The following PRDM16 variants were observed in gnomAD, a reference collection of about 807,000 sequenced individuals.
The protein encoded by PRDM16 is histone-lysine N-methyltransferase PRDM16.
Under a neutral mutation model 110.6 loss-of-function variants are expected in PRDM16, and 23 were observed. The ratio of observed to expected loss-of-function variants is 0.21; its 90% confidence interval spans 0.15 to 0.29. PRDM16 has a LOEUF of 0.29. Ranked by LOEUF, PRDM16 falls within the 10% of genes least tolerant of loss-of-function variation. PRDM16 has a pLI of 1.00. For synonymous variants in PRDM16, 799 were observed against 781.8 expected (o/e 1.02, Z -0.37); for missense variants, 1,615 against 1,794.3 (o/e 0.90, Z 1.81).
chr1:3,275,251 C>G (rs998614502), intron 3 of PRDM16, among the ~76,000 whole-genome samples: 11 of 152,366 alleles, frequency 7.2e-5, no homozygotes, highest in Middle Eastern at 3.4e-3. Flanking sequence ...TGAGTAACAT[C>G]GGCCTGTCAG....
chr1:3,251,860 C>G (rs1331495851), intron 3 of PRDM16, among the ~76,000 whole-genome samples: 1 of 152,218 alleles, frequency 6.6e-6, no homozygotes, highest in Non-Finnish European at 1.5e-5. Flanking sequence ...AAAAATAGAT[C>G]AGCTCTGAGC....
intron 3 of PRDM16, among the ~76,000 whole-genome samples, chr1:3,293,961 G>A (rs759703332): frequency 6.6e-6 from 1 of 152,178 alleles, no homozygotes; most frequent in Non-Finnish European, 1.5e-5. Context: ...GTGTGCATCT[G>A]TGAACATATG....
At position 3,436,413 on chromosome 1, in the gene PRDM16, C is replaced by G. The variant is rs1638912068; in HGVS notation, c.*2602C>G. ...TTTCCTTCCACCTTTCCCAAGAGTC[C>G]TGGTTGCACGTTTTAAGTCATATAT... On this transcript the variant is annotated 3_prime_UTR_variant, in exon 17 of 17. Transcript: ENST00000270722. 1 of 230,728 alleles carries G rather than the reference C, an allele frequency of 4.3e-6. No individual in the cohort carries two copies. The highest frequency in any genetic ancestry group is 2.2e-5 in the African/African-American group (1 of 45,134). The allele number at this position is 230,728 out of a possible 1,614,324, so 14.3% of individuals were successfully genotyped here.
chr1:3,328,965 G>A (rs1326524819), intron 3 of PRDM16, among the ~76,000 whole-genome samples: 4 of 152,156 alleles, frequency 2.6e-5, no homozygotes, highest in Non-Finnish European at 5.9e-5. Context: ...GGCGGGTAGG[G>A]AACTCCCCAG....
In PRDM16 at chr1:3,346,255, C is replaced by T. The variant is rs565619277; in HGVS notation, c.439-38897C>T. Among the ~76,000 whole-genome samples, 5 of 152,356 alleles carry T rather than the reference C, an allele frequency of 3.3e-5. No individual in the cohort carries two copies. The East Asian group carries it at 9.7e-4, about 29-fold the overall frequency. ...GGCCCTGCCCCACGGCGGTGAGCGACGTACCCTTCCCCAGGACGTCTTGGA... is the reference window on the plus strand; with the variant it reads ...GGCCCTGCCCCACGGCGGTGAGCGATGTACCCTTCCCCAGGACGTCTTGGA... On this transcript the variant is annotated intron_variant, in intron 3 of 16. Coordinates refer to ENST00000270722, the MANE Select transcript of PRDM16 (RefSeq NM_022114.4).
intron 3 of PRDM16, among the ~76,000 whole-genome samples, chr1:3,329,947 G>A (rs897072013): frequency 1.3e-5 from 2 of 152,248 alleles, no homozygotes; most frequent in African/African-American, 4.8e-5. Flanking sequence ...GGTGGGTCAG[G>A]GGAAAGGACA....
At chr1:3,419,879 CG>C (rs1033230312) in intron 12 of PRDM16, among the ~76,000 whole-genome samples, 3 of 151,880 alleles carry the variant, frequency 2.0e-5, no homozygotes, top group African/African-American at 7.3e-5. Flanking sequence ...ATACCACTTA[CG>C]GGTCATCTGT....
chr1:3,242,934 T>C (rs996010507), intron 2 of PRDM16, among the ~76,000 whole-genome samples: 18 of 152,164 alleles, frequency 1.2e-4, no homozygotes, highest in African/African-American at 4.3e-4. Flanking sequence ...AAGGGAAAAA[T>C]CCAATTTCTA....
intron 1 of PRDM16, among the ~76,000 whole-genome samples, chr1:3,099,062 T>C (rs1642473113): frequency 6.6e-6 from 1 of 152,170 alleles, no homozygotes; most frequent in Non-Finnish European, 1.5e-5. Flanking sequence ...CCCAGAGCGG[T>C]GGGGGCCGTG....
At chr1:3,233,356 G>A (rs906714458) in intron 2 of PRDM16, among the ~76,000 whole-genome samples, 1 of 152,244 alleles carries the variant, frequency 6.6e-6, no homozygotes, top group African/African-American at 2.4e-5. Flanking sequence ...AGCCACTTTG[G>A]GGTTTGCAAT....
At chr1:3,393,171 C>G (rs1201982121) in intron 4 of PRDM16, among the ~76,000 whole-genome samples, 1 of 152,226 alleles carries the variant, frequency 6.6e-6, no homozygotes, top group Non-Finnish European at 1.5e-5. Context: ...AAAATTCCAG[C>G]CTTGCCCGTG....
chr1:3,176,315 T>TATTCTTCCATCCATCCCTCC, intron 1 of PRDM16, among the ~76,000 whole-genome samples: 1 of 62,702 alleles, frequency 1.6e-5, no homozygotes, highest in African/African-American at 6.2e-5. Flanking sequence ...TACATCCATC[T>TATTCTTCCATCCATCCCTCC]ATTCTTCCAT....
At chr1:3,180,018 T>G (rs910127620) in intron 1 of PRDM16, among the ~76,000 whole-genome samples, 1 of 152,018 alleles carries the variant, frequency 6.6e-6, no homozygotes, top group Non-Finnish European at 1.5e-5. Flanking sequence ...CCCTGGACTT[T>G]CCTGTCCCTT....
intron 3 of PRDM16, among the ~76,000 whole-genome samples, chr1:3,356,403 G>A (rs992298649): frequency 9.2e-5 from 14 of 152,322 alleles, no homozygotes; most frequent in South Asian, 6.2e-4. Flanking sequence ...GTCCGACGCC[G>A]TGTCCACACC....
At chr1:3,423,417 C>T (rs910085118) in intron 12 of PRDM16, among the ~76,000 whole-genome samples, 1 of 152,184 alleles carries the variant, frequency 6.6e-6, no homozygotes, top group Non-Finnish European at 1.5e-5. Context: ...GTGTTGATGG[C>T]AGGTCAGACT....
At position 3,418,664 on chromosome 1, in the gene PRDM16, C is replaced by T; in HGVS notation, c.2862-3C>T. The T allele has an allele frequency of 6.2e-7, 1 of 1,607,986 alleles. No homozygotes were observed. Among genetic ancestry groups the T allele is most frequent in the Non-Finnish European group, 8.5e-7 (1 of 1,174,498 alleles). Reference sequence around the variant, plus strand: ...TCACCCTCCCCACCTCCCTCCACCCCAGGTACTGTGGGAAGATCTTCCCCA... The same window carrying T: ...TCACCCTCCCCACCTCCCTCCACCCTAGGTACTGTGGGAAGATCTTCCCCA... On this transcript the variant is annotated splice_polypyrimidine_tract_variant and splice_region_variant and intron_variant, in intron 11 of 16. Coordinates refer to ENST00000270722, the MANE Select transcript of PRDM16 (RefSeq NM_022114.4).
chr1:3,186,465 C>A lies in PRDM16; in HGVS notation c.378C>A (p.Phe126Leu). ...VPRAAAKETD[F>L]GWEQILTDVE... ...GGGCGGCGGCAAAGGAGACAGACTT[C>A]GGATGGGAGGTGAGCGATCGCGCCT... Residue 126 changes from phenylalanine to leucine, a missense_variant, in exon 2 of 17, where the codon TTC becomes TTA. By Grantham distance (22) the Phe-to-Leu change is conservative (BLOSUM62 0). Coordinates refer to ENST00000270722, the MANE Select transcript of PRDM16 (RefSeq NM_022114.4). The A allele has an allele frequency of 6.5e-7, 1 of 1,530,286 alleles. No individual in the cohort carries two copies. The highest frequency in any genetic ancestry group is 8.8e-7 in the Non-Finnish European group (1 of 1,137,474). 94.8% of individuals were successfully genotyped at this position (1,530,286 alleles called of 1,614,324 possible). A position where few individuals can be genotyped will look rare whatever the true frequency, so the allele number is the denominator to read the frequency against.
At chr1:3,215,935 G>C (rs757608103) in intron 2 of PRDM16, among the ~76,000 whole-genome samples, 1 of 152,204 alleles carries the variant, frequency 6.6e-6, no homozygotes, top group Non-Finnish European at 1.5e-5. Context: ...GCACATAAAA[G>C]AGATGAGGCA....
At chr1:3,106,575 C>T (rs1642660841) in intron 1 of PRDM16, among the ~76,000 whole-genome samples, 1 of 152,110 alleles carries the variant, frequency 6.6e-6, no homozygotes, top group Non-Finnish European at 1.5e-5. Context: ...CAAGGTGGGG[C>T]TTGGGGAGTT....
Sources: allele counts gnomAD v4.1 joint callset (sites outside exome capture counted in the v4.1 genomes callset), GRCh38; gene constraint gnomAD v4.1.1; transcripts MANE v1.5; gene names NCBI Gene and HGNC (gene_info 2026-07-23, HGNC 2026-07-21).